The following CFAP299 variants were observed in gnomAD, a reference collection of about 807,000 sequenced individuals.
CFAP299 encodes cilia and flagella associated protein 299.
Under a neutral mutation model 27.0 loss-of-function variants are expected in CFAP299, and 21 were observed. That is an observed-to-expected ratio of 0.78 (90% CI 0.55 to 1.12). The LOEUF (loss-of-function observed/expected upper bound fraction) is 1.12. Among genes scored for constraint, CFAP299 ranks in the 50% most tolerant of loss-of-function variants. The probability of loss-of-function intolerance (pLI) is 0.00; values close to 1 mark genes in which losing one functional copy is unlikely to be tolerated. For missense variants in CFAP299, 310 were observed against 276.6 expected, an observed-to-expected ratio of 1.12 and a Z score of -0.86; for synonymous variants, 104 against 98.1, an observed-to-expected ratio of 1.06 and a Z score of -0.36.
At chr4:80,806,149 A>C (rs1728855685) in intron 3 of CFAP299, among the ~76,000 whole-genome samples, 1 of 152,210 alleles carries the variant, frequency 6.6e-6, no homozygotes, top group Admixed American at 6.5e-5. Flanking sequence ...GATTAATTTC[A>C]TGATTAAAAA....
intron 3 of CFAP299, among the ~76,000 whole-genome samples, chr4:80,671,674 G>A (rs1350612957): frequency 6.6e-6 from 1 of 152,106 alleles, no homozygotes; most frequent in Non-Finnish European, 1.5e-5. Flanking sequence ...ATTTTGTTGA[G>A]CAGTAGTTTG....
At chr4:80,395,394 T>C (rs1248106598) in intron 2 of CFAP299, among the ~76,000 whole-genome samples, 2 of 152,090 alleles carry the variant, frequency 1.3e-5, no homozygotes, top group African/African-American at 4.8e-5. Flanking sequence ...TTTTTGTTAT[T>C]ATTTGTTCTT....
rs148068748 is a variant in CFAP299 at position 80,928,483 on chromosome 4, T to C, written c.477-16327T>C. ...CAGATATGAAGGAAAAGTATGGTGA[T>C]TATAAAGCAGAATTTCTGACTACTC... On this transcript the variant is annotated intron_variant, in intron 4 of 5. Coordinates refer to ENST00000358105, the MANE Select transcript of CFAP299 (RefSeq NM_152770.3). Among the ~76,000 whole-genome samples the C allele has an allele frequency of 1.7e-3, 259 of 152,218 alleles. 2 individuals are homozygous for C. The highest frequency in any genetic ancestry group is 5.9e-3 in the African/African-American group (244 of 41,546).
intron 4 of CFAP299, among the ~76,000 whole-genome samples, chr4:80,891,842 A>AG (rs1486924953): frequency 6.8e-6 from 1 of 147,086 alleles, no homozygotes. Flanking sequence ...AAAAAAAAAA[A>AG]AAAAAAAGAA....
intron 3 of CFAP299, among the ~76,000 whole-genome samples, chr4:80,680,019 T>C (rs1719740787): frequency 6.6e-6 from 1 of 152,072 alleles, no homozygotes; most frequent in South Asian, 2.1e-4. Flanking sequence ...CGTTCTGTCT[T>C]CTTTTTGACT....
intron 3 of CFAP299, among the ~76,000 whole-genome samples, chr4:80,592,719 A>C (rs1388660073): frequency 1.3e-5 from 2 of 152,226 alleles, no homozygotes; most frequent in East Asian, 3.8e-4. Context: ...TTTGCAAAGC[A>C]TGATGGTGAA....
At chr4:80,351,899 AAAT>A (rs1190450503) in intron 1 of CFAP299, among the ~76,000 whole-genome samples, 2 of 150,316 alleles carry the variant, frequency 1.3e-5, no homozygotes, top group East Asian at 1.9e-4. Context: ...TATGATTTAT[AAAT>A]AATGTTAATA....
intron 2 of CFAP299, among the ~76,000 whole-genome samples, chr4:80,555,076 C>A (rs924805603): frequency 6.6e-6 from 1 of 152,080 alleles, no homozygotes; most frequent in African/African-American, 2.4e-5. Context: ...TTGTCTTGTT[C>A]CAGTTCTCAA....
intron 2 of CFAP299, among the ~76,000 whole-genome samples, chr4:80,504,079 A>G (rs1207165661): frequency 6.6e-6 from 1 of 152,068 alleles, no homozygotes; most frequent in Non-Finnish European, 1.5e-5. Context: ...CTAGTGCTTA[A>G]AAGGGTGGTA....
intron 2 of CFAP299, among the ~76,000 whole-genome samples, chr4:80,556,547 A>C (rs1355092747): frequency 6.6e-6 from 1 of 152,044 alleles, no homozygotes; most frequent in Non-Finnish European, 1.5e-5. Flanking sequence ...CAGATTTGAC[A>C]GTACTTCCTG....
At chr4:80,925,120 T>C (rs922937570) in intron 4 of CFAP299, among the ~76,000 whole-genome samples, 2 of 151,974 alleles carry the variant, frequency 1.3e-5, no homozygotes, top group African/African-American at 4.8e-5. Context: ...TTTCTCTCAT[T>C]GCTCTTAAGC....
intron 4 of CFAP299, among the ~76,000 whole-genome samples, chr4:80,879,834 T>A (rs922809834): frequency 5.3e-5 from 8 of 152,304 alleles, no homozygotes; most frequent in East Asian, 3.9e-4. Context: ...TTCAACCTTT[T>A]CCTCCATTTC....
At chr4:80,455,597 A>G (rs1215561471) in intron 2 of CFAP299, among the ~76,000 whole-genome samples, 1 of 152,258 alleles carries the variant, frequency 6.6e-6, no homozygotes, top group East Asian at 1.9e-4. Context: ...GAGATTCAAA[A>G]GTAAGAACAG....
intron 2 of CFAP299, among the ~76,000 whole-genome samples, chr4:80,544,899 A>G (rs1022402600): frequency 5.3e-5 from 8 of 152,182 alleles, no homozygotes; most frequent in African/African-American, 1.7e-4. Flanking sequence ...CCCAATAACA[A>G]CAGAATATGC....
chr4:80,916,548 C>G (rs1261902122), intron 4 of CFAP299, among the ~76,000 whole-genome samples: 1 of 151,622 alleles, frequency 6.6e-6, no homozygotes. Context: ...CAACTTTGCC[C>G]AATAACCTAT....
chr4:80,903,628 A>G (rs1735041466), intron 4 of CFAP299, among the ~76,000 whole-genome samples: 1 of 152,076 alleles, frequency 6.6e-6, no homozygotes, highest in African/African-American at 2.4e-5. Flanking sequence ...ATGAAAATTC[A>G]TATCAATATA....
At chr4:80,663,939 A>T (rs574898000) in intron 3 of CFAP299, among the ~76,000 whole-genome samples, 7 of 152,206 alleles carry the variant, frequency 4.6e-5, no homozygotes, top group African/African-American at 1.4e-4. Flanking sequence ...TCTTCTTTTG[A>T]GAAGTGTCTG....
chr4:80,940,931 A>G (rs531660173), intron 4 of CFAP299, among the ~76,000 whole-genome samples: 1 of 152,312 alleles, frequency 6.6e-6, no homozygotes, highest in South Asian at 2.1e-4. Flanking sequence ...GTAATGAGTA[A>G]TAAAATGATC....
intron 3 of CFAP299, among the ~76,000 whole-genome samples, chr4:80,621,079 G>A (rs1470145438): frequency 1.3e-5 from 2 of 151,934 alleles, no homozygotes; most frequent in Non-Finnish European, 2.9e-5. Context: ...TAGATTCCCA[G>A]TGGATATTTT....
Sources: allele counts gnomAD v4.1 joint callset (sites outside exome capture counted in the v4.1 genomes callset), GRCh38; gene constraint gnomAD v4.1.1; transcripts MANE v1.5; gene names NCBI Gene and HGNC (gene_info 2026-07-23, HGNC 2026-07-21).